TNKS: variants seen among roughly 807,000 people sequenced by gnomAD.
The protein encoded by TNKS is tankyrase.
TNKS carries 72 observed loss-of-function variants against 135.8 expected under a neutral mutation model. The ratio of observed to expected loss-of-function variants is 0.53; its 90% confidence interval spans 0.44 to 0.64. The LOEUF (loss-of-function observed/expected upper bound fraction) is 0.64. Ranked by LOEUF, TNKS falls within the 30% of genes least tolerant of loss-of-function variation. TNKS has a pLI of 0.00. For synonymous variants in TNKS, 849 were observed against 649.3 expected (o/e 1.31, Z -4.68); for missense variants, 1,769 against 1,674.0 (o/e 1.06, Z -0.99).
chr8:9,673,201 G>A (rs899454660), intron 3 of TNKS, among the ~76,000 whole-genome samples: 23 of 152,158 alleles, frequency 1.5e-4, no homozygotes, highest in Middle Eastern at 3.4e-3. Flanking sequence ...GATGTTACTC[G>A]TACTAAGAGA....
At chr8:9,773,667 G>T (rs1029602054) in intron 26 of TNKS, among the ~76,000 whole-genome samples, 1 of 151,868 alleles carries the variant, frequency 6.6e-6, no homozygotes, top group Non-Finnish European at 1.5e-5. Context: ...TGATAATTTA[G>T]TCAGAGTGTC....
intron 5 of TNKS, among the ~76,000 whole-genome samples, chr8:9,701,534 GTCATGAAAGAA>G (rs1304046956): frequency 6.6e-6 from 1 of 152,168 alleles, no homozygotes; most frequent in Admixed American, 6.5e-5. Flanking sequence ...GTCCAATTCA[GTCATGAAAGAA>G]TCCAAGATAG....
intron 3 of TNKS, among the ~76,000 whole-genome samples, chr8:9,626,967 A>T (rs1021657670): frequency 1.3e-5 from 2 of 152,214 alleles, no homozygotes; most frequent in African/African-American, 4.8e-5. Context: ...AGGTAGCTTC[A>T]GGATGGAGGC....
chr8:9,717,072 AATATATAT>A lies in TNKS; in HGVS notation c.1750-3279_1750-3272del, dbSNP rs368231440. ...CACCAAAGATAATCTGTTGTATTATAATATATATATATATATATATATATATATATTTT... is the reference window on the plus strand; with the variant it reads ...CACCAAAGATAATCTGTTGTATTATAATATATATATATATATATATATTTT... On this transcript the variant is annotated intron_variant, in intron 11 of 26. Transcript: ENST00000310430. 2.1e-3 allele frequency among the ~76,000 whole-genome samples: 165 copies of A among 79,464 alleles called. 9 individuals carry two copies. The highest frequency in any genetic ancestry group is 7.0e-3 in the African/African-American group (153 of 21,780). The allele number at this position is 79,464 out of a possible 152,430, so 52.1% of individuals were successfully genotyped here.
intron 3 of TNKS, among the ~76,000 whole-genome samples, chr8:9,639,012 A>G (rs1173797077): frequency 6.6e-6 from 1 of 152,182 alleles, no homozygotes; most frequent in East Asian, 1.9e-4. Context: ...GTTTTCCCTC[A>G]AAACAAATTA....
At chr8:9,623,978 G>C (rs1184602079) in intron 3 of TNKS, among the ~76,000 whole-genome samples, 1 of 151,976 alleles carries the variant, frequency 6.6e-6, no homozygotes, top group African/African-American at 2.4e-5. Context: ...CTCCAGTCTG[G>C]GTGACAGAGC....
intron 3 of TNKS, among the ~76,000 whole-genome samples, chr8:9,662,321 A>T: frequency 6.6e-6 from 1 of 152,188 alleles, no homozygotes; most frequent in East Asian, 1.9e-4. Flanking sequence ...CACTATTCAC[A>T]ATAGCAAAGA....
intron 13 of TNKS, among the ~76,000 whole-genome samples, chr8:9,729,961 G>C (rs1805352492): frequency 6.6e-6 from 1 of 151,852 alleles, no homozygotes; most frequent in African/African-American, 2.4e-5. Flanking sequence ...ATTTTTAGTA[G>C]AGATGAGGTT....
intron 3 of TNKS, among the ~76,000 whole-genome samples, chr8:9,639,720 G>C (rs547126530): frequency 6.6e-6 from 1 of 152,100 alleles, no homozygotes; most frequent in South Asian, 2.1e-4. Context: ...ATGAGTTCTT[G>C]TTATCTTAGG....
chr8:9,629,676 T>C (rs1800207939), intron 3 of TNKS, among the ~76,000 whole-genome samples: 1 of 152,214 alleles, frequency 6.6e-6, no homozygotes, highest in Non-Finnish European at 1.5e-5. Flanking sequence ...CTTTTTGGTT[T>C]TGTTTGTTTG....
intron 2 of TNKS, among the ~76,000 whole-genome samples, chr8:9,584,449 G>T (rs986867330): frequency 6.6e-6 from 1 of 152,148 alleles, no homozygotes; most frequent in East Asian, 1.9e-4. Flanking sequence ...TATAGCAGCA[G>T]ATTTTTGCTT....
intron 11 of TNKS, among the ~76,000 whole-genome samples, chr8:9,716,529 A>G (rs1804607351): frequency 6.6e-6 from 1 of 152,180 alleles, no homozygotes; most frequent in South Asian, 2.1e-4. Flanking sequence ...TGTGTTTATT[A>G]CTTCTGTGAG....
chr8:9,587,268 G>C (rs764745171), intron 2 of TNKS, among the ~76,000 whole-genome samples: 11 of 152,136 alleles, frequency 7.2e-5, no homozygotes, highest in Non-Finnish European at 1.5e-4. Flanking sequence ...GCCACCATTG[G>C]TGGCTTTGAA....
At chr8:9,766,458 A>AC in intron 25 of TNKS, 33 bp downstream of exon 25, 1 of 1,216,464 alleles carries the variant, frequency 8.2e-7, no homozygotes, top group Non-Finnish European at 1.1e-6. Context: ...AACGTTTCCC[A>AC]CCCCTAGGTC....
chr8:9,767,553 C>CTT (rs1396760107), intron 25 of TNKS, among the ~76,000 whole-genome samples: 1 of 152,224 alleles, frequency 6.6e-6, no homozygotes, highest in African/African-American at 2.4e-5. Flanking sequence ...GACCTTAAAA[C>CTT]TTATCTCTCA....
rs144934386 is a variant in TNKS at position 9,697,965 on chromosome 8, A to G, written c.1108-6698A>G. On this transcript the variant is annotated intron_variant, in intron 5 of 26. Coordinates refer to ENST00000310430, the MANE Select transcript of TNKS (RefSeq NM_003747.3). ...TACATGAAGTTGTATGTTCATTGCC[A>G]TGCCATTCACAATAGCGAAGACATG... Among the ~76,000 whole-genome samples, 41 of 152,330 alleles carry G rather than the reference A, an allele frequency of 2.7e-4. No homozygotes were observed. In the East Asian group the frequency reaches 7.9e-3, roughly 29 times the overall value.
chr8:9,580,329 A>T lies in TNKS; in HGVS notation c.844A>T (p.Asn282Tyr). 6.2e-7 allele frequency: 1 copy of T among 1,614,166 alleles called. No homozygotes were observed. The highest frequency in any genetic ancestry group is 8.5e-7 in the Non-Finnish European group (1 of 1,180,030). The change falls in exon 2 of 27, where the codon AAC (asparagine) becomes TAC (tyrosine). Residue 282 changes from asparagine to tyrosine, a missense_variant. Asn to Tyr is a moderately radical substitution (Grantham distance 143, BLOSUM62 -2). Coordinates refer to ENST00000310430, the MANE Select transcript of TNKS (RefSeq NM_003747.3). Reference sequence around the variant, plus strand: ...TGATCCAAATGCCAGGGATAACTGGAACTATACACCTCTGCATGAAGCTGC... The same window carrying T: ...TGATCCAAATGCCAGGGATAACTGGTACTATACACCTCTGCATGAAGCTGC... ...GADPNARDNWNYTPLHEAAIK... is the reference protein window; with the variant it reads ...GADPNARDNWYYTPLHEAAIK...
rs147531397 is a variant in TNKS at position 9,667,801 on chromosome 8, A to C, written c.995-12150A>C. Among the ~76,000 whole-genome samples, 707 of 149,202 alleles carry C rather than the reference A, an allele frequency of 4.7e-3. 8 individuals carry two copies. The highest frequency in any genetic ancestry group is 0.017 in the African/African-American group (674 of 40,802). ...TGTTAGATTTCATTGACTTTAGTGA[A>C]GTCTGATTAATATCCTTTCTCATTT... On this transcript the variant is annotated intron_variant, in intron 3 of 26. Coordinates refer to ENST00000310430, the MANE Select transcript of TNKS (RefSeq NM_003747.3).
chr8:9,779,486 C>T lies in TNKS; in HGVS notation c.*2750C>T, dbSNP rs1413942853. 1.3e-5 allele frequency: 2 copies of T among 152,176 alleles called. No homozygotes were observed. Among genetic ancestry groups the T allele is most frequent in the Non-Finnish European group, 2.9e-5 (2 of 68,046 alleles). The allele number at this position is 152,176 out of a possible 1,614,324, so 9.4% of individuals were successfully genotyped here. ...GAGTTCCAAAACTAAAGGGCTTCTC[C>T]AGACCTGATGGTTCCAGTTTACCTG... On this transcript the variant is annotated 3_prime_UTR_variant, in exon 27 of 27. Transcript: ENST00000310430.
Sources: allele counts gnomAD v4.1 joint callset (sites outside exome capture counted in the v4.1 genomes callset), GRCh38; gene constraint gnomAD v4.1.1; transcripts MANE v1.5; gene names NCBI Gene and HGNC (gene_info 2026-07-23, HGNC 2026-07-21).